ALAS2: variants seen among roughly 807,000 people sequenced by gnomAD.
The protein encoded by ALAS2 is 5'-aminolevulinate synthase 2, also known as 5-aminolevulinate synthase, erythroid-specific, mitochondrial.
ALAS2 carries 3 observed loss-of-function variants against 33.7 expected under a neutral mutation model. The ratio of observed to expected loss-of-function variants is 0.09; its 90% CI spans 0.04 to 0.23. The LOEUF is 0.23. Ranked by LOEUF, ALAS2 falls within the 10% of genes least tolerant of loss-of-function variation. ALAS2 has a pLI of 1.00. For missense variants in ALAS2, 304 were observed against 475.1 expected, an observed-to-expected ratio of 0.64 and a Z score of 3.35; for synonymous variants, 191 against 177.3, an observed-to-expected ratio of 1.08 and a Z score of -0.61.
intron 4 of ALAS2, among the ~76,000 whole-genome samples, chrX:55,023,191 G>GGTGT (rs747543670): frequency 0.021 from 2,048 of 98,659 alleles, 33 homozygotes; most frequent in African/African-American, 0.051. Flanking sequence ...GAGAGCAGAG[G>GGTGT]GTGTGTGTGT....
intron 6 of ALAS2, among the ~76,000 whole-genome samples, 162 bp downstream of exon 6, chrX:55,020,157 AG>A (rs1199741538): frequency 8.9e-6 from 1 of 111,903 alleles, no homozygotes; most frequent in African/African-American, 3.3e-5. Context: ...GAGAAAGCAG[AG>A]GGATATAATT....
chrX:55,029,102 T>A (rs1935945268), intron 1 of ALAS2, among the ~76,000 whole-genome samples: 1 of 111,835 alleles, frequency 8.9e-6, no homozygotes, highest in Admixed American at 9.5e-5. Flanking sequence ...TTGATAGACT[T>A]TATTATTTTT....
intron 1 of ALAS2, among the ~76,000 whole-genome samples, chrX:55,027,265 T>C (rs1160907353): frequency 9.1e-6 from 1 of 109,783 alleles, no homozygotes; most frequent in African/African-American, 3.3e-5. Flanking sequence ...CATAAAAAAA[T>C]GCTGCCAGAA....
At chrX:55,026,856 A>G (rs1210378704) in intron 1 of ALAS2, among the ~76,000 whole-genome samples, 2 of 111,777 alleles carry the variant, frequency 1.8e-5, no homozygotes, top group African/African-American at 6.5e-5. Context: ...GAATGAACAG[A>G]GTCTGAAATT....
intron 10 of ALAS2, among the ~76,000 whole-genome samples, chrX:55,010,661 G>A (rs191356292): frequency 9.5e-4 from 106 of 111,482 alleles, no homozygotes; most frequent in African/African-American, 3.3e-3. Flanking sequence ...TCACCTCAGC[G>A]TCTTCTACCC....
intron 1 of ALAS2, among the ~76,000 whole-genome samples, chrX:55,029,125 T>A (rs913376275): frequency 1.3e-4 from 15 of 112,004 alleles, no homozygotes; most frequent in Non-Finnish European, 2.4e-4. Context: ...TTTCTCCATT[T>A]CCCATGTAGA....
Position 55,015,959 on chromosome X carries a change from C to CTG in ALAS2, c.1004-219_1004-218dup, listed in dbSNP as rs56109492. ...CTTCTCTCTCTCTCTCTCTGTCTCT[C>CTG]TGTGTGTGTGTGTGTGTGTGTGTGT... On this transcript the variant is annotated intron_variant, in intron 7 of 10. Transcript: ENST00000650242. 0.054 allele frequency among the ~76,000 whole-genome samples: 4,345 copies of CTG among 79,923 alleles called. 85 individuals carry two copies. Among genetic ancestry groups the CTG allele is most frequent in the Non-Finnish European group, 0.069 (2,889 of 41,606 alleles). The allele number at this position is 79,923 out of a possible 115,157, so 69.4% of individuals were successfully genotyped here. A position where few individuals can be genotyped will look rare whatever the true frequency, so the allele number is the denominator to read the frequency against.
chrX:55,025,771 T>C, intron 2 of ALAS2, 49 bp downstream of exon 2: 1 of 1,170,388 alleles, frequency 8.5e-7, no homozygotes, highest in Non-Finnish European at 1.2e-6. Context: ...TTGGAACTTT[T>C]ACCCCAGGAC....
At chrX:55,010,606 T>C (rs1352088745) in intron 10 of ALAS2, among the ~76,000 whole-genome samples, 1 of 111,084 alleles carries the variant, frequency 9.0e-6, no homozygotes, top group Non-Finnish European at 1.9e-5. Context: ...TTCCCTTAGA[T>C]ATCTGCCTCA....
Position 55,025,867 on chromosome X carries a change from C to T in ALAS2, c.134G>A (p.Gly45Glu), listed in dbSNP as rs1169342060. Residue 45 changes from glycine to glutamate, a missense_variant, in exon 2 of 11, where the codon GGA (glycine) becomes GAA (glutamate). Physicochemically the swap from Gly to Glu is moderately conservative, Grantham distance 98 (BLOSUM62 -2). Coordinates refer to ENST00000650242, the MANE Select transcript of ALAS2 (RefSeq NM_000032.5). ...IGRCPILATQ[G>E]PNCSQIHLKA... ...AAGGTGGATTTGAGAACAGTTTGGT[C>T]CTTGGGTAGCCAGGATGGGACAGCG... The T allele has an allele frequency of 8.3e-7, 1 of 1,209,916 alleles. No homozygotes were observed. Among genetic ancestry groups the T allele is most frequent in the East Asian group, 3.0e-5 (1 of 33,758 alleles).
intron 9 of ALAS2, 86 bp from the exon 10 acceptor site, chrX:55,013,734 G>A: frequency 9.3e-7 from 1 of 1,077,016 alleles, no homozygotes; most frequent in Non-Finnish European, 1.3e-6. Context: ...GGAACTAGAT[G>A]AGGGAACATC....
At chrX:55,025,631 C>T (rs1935879367) in intron 2 of ALAS2, among the ~76,000 whole-genome samples, 189 bp downstream of exon 2, 1 of 111,997 alleles carries the variant, frequency 8.9e-6, no homozygotes, top group Non-Finnish European at 1.9e-5. Context: ...TGTGCCTGGC[C>T]GAGAATGAGA....
At chrX:55,026,826 G>C (rs1054369165) in intron 1 of ALAS2, among the ~76,000 whole-genome samples, 1 of 111,900 alleles carries the variant, frequency 8.9e-6, no homozygotes, top group Admixed American at 9.5e-5. Context: ...AATATTTGTT[G>C]AATTTTGGGG....
intron 6 of ALAS2, 84 bp from the exon 7 acceptor site, chrX:55,017,749 G>A (rs1935729542): frequency 1.0e-6 from 1 of 1,004,524 alleles, no homozygotes; most frequent in African/African-American, 1.9e-5. Context: ...AAAGAAAAGG[G>A]CCAACCCTTT....
chrX:55,012,436 A>G (rs1269970508), intron 10 of ALAS2, among the ~76,000 whole-genome samples: 1 of 111,961 alleles, frequency 8.9e-6, no homozygotes, highest in Non-Finnish European at 1.9e-5. Context: ...TCAACTGCCT[A>G]CATGTCTTTC....
Position 55,021,034 on chromosome X carries a change from T to C in ALAS2, c.638+18A>G, listed in dbSNP as rs891347125. 1.7e-6 allele frequency: 2 copies of C among 1,198,859 alleles called. No homozygotes were observed. Among genetic ancestry groups the C allele is most frequent in the African/African-American group, 1.8e-5 (1 of 56,854 alleles). On this transcript the variant is annotated intron_variant, in intron 5 of 10. Coordinates refer to ENST00000650242, the MANE Select transcript of ALAS2 (RefSeq NM_000032.5). ...ATCTCCTCTGGCCACTGCTGATGGC[T>C]GAAAGCCTACTACTCACTGTGTGGC...
At chrX:55,023,212 G>T in intron 4 of ALAS2, among the ~76,000 whole-genome samples, 1 of 110,378 alleles carries the variant, frequency 9.1e-6, no homozygotes, top group Middle Eastern at 4.6e-3. Flanking sequence ...GTGTGTGTGT[G>T]TGTGTGTGTG....
intron 4 of ALAS2, among the ~76,000 whole-genome samples, chrX:55,022,056 T>C (rs1333229334): frequency 3.6e-5 from 4 of 112,064 alleles, no homozygotes; most frequent in Non-Finnish European, 7.5e-5. Flanking sequence ...GTTCATCAAG[T>C]AAGTAACTCA....
At chrX:55,015,881 A>G (rs1294508931) in intron 7 of ALAS2, 139 bp from the exon 8 acceptor site, 2 of 682,517 alleles carry the variant, frequency 2.9e-6, no homozygotes, top group Non-Finnish European at 4.6e-6. Context: ...GCCTTCATTT[A>G]GAACTATTAC....
Sources: allele counts gnomAD v4.1 joint callset (sites outside exome capture counted in the v4.1 genomes callset), GRCh38; gene constraint gnomAD v4.1.1; transcripts MANE v1.5; gene names NCBI Gene and HGNC (gene_info 2026-07-23, HGNC 2026-07-21).